RAG1: variants seen among roughly 807,000 people sequenced by gnomAD.
The protein encoded by RAG1 is recombination activating 1.
In RAG1, 35 loss-of-function variants were observed where a neutral mutation model predicts 62.7. That is an observed-to-expected ratio of 0.56 (90% confidence interval 0.43 to 0.74). The LOEUF (loss-of-function observed/expected upper bound fraction) is 0.74. Ranked by LOEUF, RAG1 falls within the 30% of genes least tolerant of loss-of-function variation. The pLI is 0.00. For missense variants in RAG1, 1,169 were observed against 1,278.6 expected, an observed-to-expected ratio of 0.91 and a Z score of 1.31; for synonymous variants, 461 against 470.3, an observed-to-expected ratio of 0.98 and a Z score of 0.26.
At chr11:36,530,674 T>C (rs930006978) in intron 2 of RAG1, among the ~76,000 whole-genome samples, 2 of 152,044 alleles carry the variant, frequency 1.3e-5, no homozygotes, top group Admixed American at 6.6e-5. Flanking sequence ...AACTTCATTT[T>C]AGTCAGAGAA....
chr11:36,573,942 T>G lies in RAG1; in HGVS notation c.638T>G (p.Ile213Ser). The change falls in exon 2 of 2, where the codon ATC becomes AGC. Residue 213 changes from isoleucine to serine, a missense_variant. By Grantham distance (142) the Ile-to-Ser change is moderately radical (BLOSUM62 -2). Coordinates refer to ENST00000299440, the MANE Select transcript of RAG1 (RefSeq NM_000448.3). Reference protein sequence around the residue: ...EWHPHTPSCDICNTARRGLKR... With the variant: ...EWHPHTPSCDSCNTARRGLKR... ...CACCCCCACACACCATCCTGTGACATCTGCAACACTGCCCGTCGGGGACTC... is the reference window on the plus strand; with the variant it reads ...CACCCCCACACACCATCCTGTGACAGCTGCAACACTGCCCGTCGGGGACTC... 6.2e-7 allele frequency: 1 copy of G among 1,614,096 alleles called. No homozygotes were observed. The highest frequency in any genetic ancestry group is 8.5e-7 in the Non-Finnish European group (1 of 1,180,020).
intron 1 of RAG1, among the ~76,000 whole-genome samples, chr11:36,512,901 A>G (rs1669730567): frequency 6.6e-6 from 1 of 152,182 alleles, no homozygotes; most frequent in Non-Finnish European, 1.5e-5. Flanking sequence ...TAGTCTCCAT[A>G]TCTTCTATAG....
chr11:36,512,696 T>A (rs1342156619), intron 1 of RAG1, among the ~76,000 whole-genome samples: 1 of 152,224 alleles, frequency 6.6e-6, no homozygotes, highest in Admixed American at 6.5e-5. Flanking sequence ...ATATTCCTAT[T>A]AGTAAAGTTA....
chr11:36,571,147 G>A (rs1163835507), intron 1 of RAG1, among the ~76,000 whole-genome samples: 1 of 152,174 alleles, frequency 6.6e-6, no homozygotes, highest in African/African-American at 2.4e-5. Context: ...AAATGTGTAG[G>A]GAAGTGAGAT....
chr11:36,549,932 G>T (rs1013947666), intron 3 of RAG1, among the ~76,000 whole-genome samples: 8 of 152,168 alleles, frequency 5.3e-5, no homozygotes, highest in Admixed American at 4.6e-4. Flanking sequence ...ATACTATGCA[G>T]CCACAGAAAA....
intron 2 of RAG1, among the ~76,000 whole-genome samples, chr11:36,533,822 G>T (rs74915746): frequency 6.6e-6 from 1 of 151,984 alleles, no homozygotes; most frequent in African/African-American, 2.4e-5. Flanking sequence ...TAAGGTGATC[G>T]TATGTATGAT....
chr11:36,572,343 C>T (rs896255699), intron 1 of RAG1, among the ~76,000 whole-genome samples: 2 of 152,186 alleles, frequency 1.3e-5, no homozygotes, highest in Admixed American at 6.5e-5. Flanking sequence ...GCATCGCTAG[C>T]GATCTGTGCA....
chr11:36,574,506 C>T lies in RAG1; in HGVS notation c.1202C>T (p.Ser401Leu), dbSNP rs1385203770. 1.3e-5 allele frequency: 21 copies of T among 1,614,098 alleles called. No individual in the cohort carries two copies. Among genetic ancestry groups the T allele is most frequent in the African/African-American group, 2.7e-5 (2 of 74,942 alleles). ...KGGRPRQHLL[S>L]LTRRAQKHRL... ...GGCCGGCCCCGCCAACATCTTCTGT[C>T]GCTGACTCGGAGAGCTCAGAAGCAC... Residue 401 changes from serine to leucine, a missense_variant, in exon 2 of 2, where the codon TCG (serine) becomes TTG (leucine). Around this residue, in one of 2 missense-constraint regions of RAG1, gnomAD observed 800 missense variants for 943.3 expected, o/e 0.85. Coordinates refer to ENST00000299440, the MANE Select transcript of RAG1 (RefSeq NM_000448.3).
chr11:36,515,052 G>A (rs540316735), intron 1 of RAG1, among the ~76,000 whole-genome samples: 95 of 152,290 alleles, frequency 6.2e-4, no homozygotes, highest in African/African-American at 2.2e-3. Context: ...GCATACTCCT[G>A]AGGGGACACA....
intron 3 of RAG1, among the ~76,000 whole-genome samples, chr11:36,559,011 C>A (rs1850544674): frequency 6.6e-6 from 1 of 152,168 alleles, no homozygotes; most frequent in Non-Finnish European, 1.5e-5. Flanking sequence ...CTCCCTTAAT[C>A]ATTTCTTGTA....
chr11:36,575,254 C>T lies in RAG1; in HGVS notation c.1950C>T (p.Asn650=). ...AAGTATTTGAAGAAGCCAAACCTAACTCTGAACTGTGTTGCAAGCCATTGT... is the reference window on the plus strand; with the variant it reads ...AAGTATTTGAAGAAGCCAAACCTAATTCTGAACTGTGTTGCAAGCCATTGT... ...NVKVFEEAKP[N]SELCCKPLCL... is the part of the protein sequence containing the mutation. Residue 650 remains asparagine (N), a synonymous_variant, in exon 2 of 2, where the codon AAC becomes AAT. Coordinates refer to ENST00000299440, the MANE Select transcript of RAG1 (RefSeq NM_000448.3). This position sits in a 1 kb window ranked among gnomAD's most constrained non-coding sequence, Gnocchi z 4.1. 1 of 1,614,234 alleles carries T rather than the reference C, an allele frequency of 6.2e-7. No individual in the cohort carries two copies. Among genetic ancestry groups the T allele is most frequent in the South Asian group, 1.1e-5 (1 of 91,092 alleles).
At chr11:36,522,121 A>C (rs1306918653) in intron 2 of RAG1, among the ~76,000 whole-genome samples, 4 of 152,224 alleles carry the variant, frequency 2.6e-5, no homozygotes, top group South Asian at 2.1e-4. Context: ...AGAAATTTGC[A>C]TAAGTAATGA....
intron 2 of RAG1, among the ~76,000 whole-genome samples, chr11:36,525,685 T>A (rs537202320): frequency 1.3e-5 from 2 of 152,280 alleles, no homozygotes; most frequent in South Asian, 2.1e-4. Flanking sequence ...AATAAATAAA[T>A]CATTTTCCAG....
chr11:36,546,124 C>T (rs1430314858), intron 3 of RAG1, among the ~76,000 whole-genome samples: 3 of 152,138 alleles, frequency 2.0e-5, no homozygotes, highest in Non-Finnish European at 4.4e-5. Context: ...GAGTTCAAAT[C>T]GGGAATATCC....
chr11:36,540,097 G>T (rs530608532), downstream of RAG1, among the ~76,000 whole-genome samples: 2 of 152,296 alleles, frequency 1.3e-5, no homozygotes, highest in African/African-American at 4.8e-5. Flanking sequence ...TGTGAACATT[G>T]ATCCTACAAA....
At chr11:36,516,640 A>G (rs1229962809) in intron 1 of RAG1, among the ~76,000 whole-genome samples, 1 of 152,220 alleles carries the variant, frequency 6.6e-6, no homozygotes, top group Non-Finnish European at 1.5e-5. Context: ...CAGTTTTTGA[A>G]CTGAGCTAAA....
chr11:36,538,602 G>A (rs570329054), downstream of RAG1, among the ~76,000 whole-genome samples: 200 of 152,244 alleles, frequency 1.3e-3, no homozygotes, highest in African/African-American at 4.1e-3. Flanking sequence ...TCTTACATGC[G>A]TCTAAAGCTG....
At chr11:36,568,353 C>T (rs1850689490) in intron 1 of RAG1, among the ~76,000 whole-genome samples, 1 of 151,966 alleles carries the variant, frequency 6.6e-6, no homozygotes, top group South Asian at 2.1e-4. Context: ...TAAATGAATG[C>T]TATTGTCAGA....
chr11:36,532,486 T>G (rs1860271104), intron 2 of RAG1, among the ~76,000 whole-genome samples: 1 of 152,352 alleles, frequency 6.6e-6, no homozygotes, highest in East Asian at 1.9e-4. Context: ...TAACTTCATC[T>G]ATGACAGTGC....
Sources: allele counts gnomAD v4.1 joint callset (sites outside exome capture counted in the v4.1 genomes callset), GRCh38; gene constraint gnomAD v4.1.1; regional missense constraint gnomAD v4.1.1; non-coding constraint Gnocchi (gnomAD v3.1); transcripts MANE v1.5; gene names NCBI Gene and HGNC (gene_info 2026-07-23, HGNC 2026-07-21).